The following CFAP263 variants were observed in gnomAD, a reference collection of about 807,000 sequenced individuals.
CFAP263 encodes cilia- and flagella-associated protein 263.
At chr16:58,277,023 T>C in the CFAP263 span, among the ~76,000 whole-genome samples, 3 of 152,148 alleles carry the variant, frequency 2.0e-5, no homozygotes, top group African/African-American at 7.2e-5. Flanking sequence ...CCTGATGGGG[T>C]GACAGGAGTG....
the CFAP263 span, among the ~76,000 whole-genome samples, chr16:58,258,107 CAAAAAAAA>C: frequency 1.2e-5 from 1 of 82,342 alleles, no homozygotes; most frequent in Non-Finnish European, 2.5e-5. Flanking sequence ...GACTCTGTCT[CAAAAAAAA>C]AAAAAAAAAA....
the CFAP263 span, chr16:58,250,073 A>G: frequency 6.3e-7 from 1 of 1,598,426 alleles, no homozygotes; most frequent in South Asian, 1.1e-5. Context: ...TCGGAGCTGG[A>G]GCTGCCTGTT....
chr16:58,260,469 T>C, the CFAP263 span, among the ~76,000 whole-genome samples: 2 of 152,210 alleles, frequency 1.3e-5, no homozygotes, highest in Non-Finnish European at 2.9e-5. Context: ...ACTCATATGA[T>C]GACTGTGCAG....
the CFAP263 span, chr16:58,281,551 C>T: frequency 6.6e-6 from 1 of 152,324 alleles, no homozygotes; most frequent in African/African-American, 2.4e-5. Flanking sequence ...AGACCCCACA[C>T]CCCTAGGTCT....
the CFAP263 span, among the ~76,000 whole-genome samples, chr16:58,268,981 A>G: frequency 2.0e-5 from 3 of 152,168 alleles, no homozygotes; most frequent in Non-Finnish European, 2.9e-5. Flanking sequence ...GTAACCATCA[A>G]CACAATAATT....
the CFAP263 span, among the ~76,000 whole-genome samples, chr16:58,269,220 A>C: frequency 6.6e-6 from 1 of 152,008 alleles, no homozygotes; most frequent in Non-Finnish European, 1.5e-5. Flanking sequence ...AGTCCCATCT[A>C]CTCGGGAGGC....
the CFAP263 span, among the ~76,000 whole-genome samples, chr16:58,275,628 G>A: frequency 6.6e-6 from 1 of 152,044 alleles, no homozygotes; most frequent in African/African-American, 2.4e-5. Flanking sequence ...AATTTATAAG[G>A]TCCTATAATG....
the CFAP263 span, among the ~76,000 whole-genome samples, chr16:58,277,187 G>A: frequency 3.7e-4 from 56 of 151,732 alleles, no homozygotes; most frequent in East Asian, 1.4e-3. Context: ...GGAGTGCAGC[G>A]TCGTGATCTC....
the CFAP263 span, among the ~76,000 whole-genome samples, chr16:58,251,461 G>T: frequency 5.9e-5 from 9 of 152,120 alleles, no homozygotes. Flanking sequence ...GCATGATCTC[G>T]GCTCACTGCA....
chr16:58,268,346 A>G, the CFAP263 span, among the ~76,000 whole-genome samples: 1 of 152,192 alleles, frequency 6.6e-6, no homozygotes, highest in Non-Finnish European at 1.5e-5. Flanking sequence ...TGGGGAGGGC[A>G]CAGGAGAAAG....
chr16:58,279,734 T>C, the CFAP263 span: 1 of 1,612,418 alleles, frequency 6.2e-7, no homozygotes. Context: ...CGAATGAAAA[T>C]AACCAATGAG....
At chr16:58,280,622 T>A in the CFAP263 span, 1 of 1,614,132 alleles carries the variant, frequency 6.2e-7, no homozygotes, top group Non-Finnish European at 8.5e-7. Flanking sequence ...TTGGATGTGA[T>A]CCATTTGCTG....
chr16:58,273,843 G>T, the CFAP263 span, among the ~76,000 whole-genome samples: 1 of 152,106 alleles, frequency 6.6e-6, no homozygotes, highest in Non-Finnish European at 1.5e-5. Context: ...CTTGTTACTT[G>T]TTTAGTGACT....
At chr16:58,271,194 T>A in the CFAP263 span, among the ~76,000 whole-genome samples, 3 of 152,244 alleles carry the variant, frequency 2.0e-5, no homozygotes, top group South Asian at 6.2e-4. Context: ...GTATTTCTTG[T>A]AAGGCAGGTC....
the CFAP263 span, among the ~76,000 whole-genome samples, chr16:58,277,290 G>A: frequency 3.9e-5 from 6 of 152,030 alleles, no homozygotes; most frequent in East Asian, 3.9e-4. Context: ...CACCATGCCC[G>A]ACTCAGTTTT....
At chr16:58,254,561 G>A in the CFAP263 span, among the ~76,000 whole-genome samples, 1 of 151,720 alleles carries the variant, frequency 6.6e-6, no homozygotes. Context: ...TCTTTTAGAA[G>A]ATATAACCAT....
the CFAP263 span, chr16:58,267,724 T>C: frequency 4.9e-5 from 30 of 614,556 alleles, no homozygotes; most frequent in Non-Finnish European, 7.6e-5. Flanking sequence ...AAAATAGCTC[T>C]GGGCCATCAA....
At chr16:58,251,692 C>G in the CFAP263 span, among the ~76,000 whole-genome samples, 2 of 152,042 alleles carry the variant, frequency 1.3e-5, no homozygotes, top group African/African-American at 4.8e-5. Context: ...ACACCTGGCC[C>G]CACTAGTCTT....
chr16:58,263,803 C>T, the CFAP263 span, among the ~76,000 whole-genome samples: 5,614 of 152,240 alleles, frequency 0.037, 183 homozygotes, highest in Non-Finnish European at 0.065. Context: ...CATGGCAAAA[C>T]GCTGTCTCTA....
Sources: gnomAD v4.1 joint callset for allele counts (sites outside exome capture counted in the v4.1 genomes callset) on GRCh38, gnomAD v4.1.1 for gene constraint, MANE v1.5 for transcripts, NCBI Gene and HGNC (gene_info 2026-07-23, HGNC 2026-07-21) for gene names.